The following USP32 variants were observed in gnomAD, a reference collection of about 807,000 sequenced individuals.
USP32 encodes ubiquitin specific peptidase 32.
USP32 carries 59 observed loss-of-function variants against 204.8 expected under a neutral mutation model. The ratio of observed to expected loss-of-function variants is 0.29; its 90% CI spans 0.23 to 0.36. USP32 has a LOEUF of 0.36. Ranked by LOEUF, USP32 falls within the 10% of genes least tolerant of loss-of-function variation. The probability of loss-of-function intolerance (pLI) is 1.00; values close to 1 mark genes in which losing one functional copy is unlikely to be tolerated. For missense variants in USP32, 1,160 were observed against 1,946.4 expected, an observed-to-expected ratio of 0.60 and a Z score of 7.60; for synonymous variants, 517 against 678.4, an observed-to-expected ratio of 0.76 and a Z score of 3.70.
intron 11 of USP32, among the ~76,000 whole-genome samples, chr17:60,237,107 ATCTACTCTATCTATCTATCT>A (rs2085746723): frequency 7.2e-6 from 1 of 138,136 alleles, no homozygotes; most frequent in South Asian, 2.4e-4. Context: ...AAAAAAAAAA[ATCTACTCTATCTATCTATCT>A]ATCTATCTAT....
chr17:60,191,464 A>T, intron 28 of USP32, among the ~76,000 whole-genome samples: 2 of 138,442 alleles, frequency 1.4e-5, no homozygotes, highest in Non-Finnish European at 1.6e-5. Flanking sequence ...GAGATGGGGT[A>T]GGGGGGAGGA....
At chr17:60,349,264 C>T (rs61625746) in intron 1 of USP32, among the ~76,000 whole-genome samples, 6,687 of 150,748 alleles carry the variant, frequency 0.044, 530 homozygotes, top group African/African-American at 0.15. Flanking sequence ...TGAAGAACTA[C>T]TTGGTAATAT....
intron 1 of USP32, among the ~76,000 whole-genome samples, chr17:60,346,704 C>A (rs1401523581): frequency 1.3e-5 from 2 of 152,026 alleles, no homozygotes; most frequent in Non-Finnish European, 2.9e-5. Flanking sequence ...ACAATAGAGG[C>A]ACAGAAATGG....
In USP32 at chr17:60,276,641, T is replaced by C. The variant is rs564173004; in HGVS notation, c.572-5160A>G. ...TCAATAAGTACTTCTGATTAATTGGTGTTTACATAATACAGTAAATTGAAA... is the reference window on the plus strand; with the variant it reads ...TCAATAAGTACTTCTGATTAATTGGCGTTTACATAATACAGTAAATTGAAA... On this transcript the variant is annotated intron_variant, in intron 5 of 33. Coordinates refer to ENST00000300896, the MANE Select transcript of USP32 (RefSeq NM_032582.4). 8.1e-4 allele frequency among the ~76,000 whole-genome samples: 124 copies of C among 152,304 alleles called. 1 individual carries two copies. The highest frequency in any genetic ancestry group is 3.0e-3 in the African/African-American group (123 of 41,574).
At chr17:60,318,441 A>C (rs1435976742) in intron 2 of USP32, among the ~76,000 whole-genome samples, 1 of 152,248 alleles carries the variant, frequency 6.6e-6, no homozygotes, top group East Asian at 1.9e-4. Flanking sequence ...TGTGGTTAAG[A>C]AGCAGCAGGG....
intron 7 of USP32, among the ~76,000 whole-genome samples, chr17:60,267,189 C>T (rs1387070986): frequency 5.3e-5 from 8 of 151,820 alleles, no homozygotes. Flanking sequence ...GGGCGAATCG[C>T]GAGGTCAGGA....
chr17:60,306,078 C>T lies in USP32; in HGVS notation c.187-4374G>A, dbSNP rs143037898. Among the ~76,000 whole-genome samples, 632 of 149,458 alleles carry T rather than the reference C, an allele frequency of 4.2e-3. 3 individuals carry two copies. The highest frequency in any genetic ancestry group is 6.1e-3 in the Non-Finnish European group (410 of 67,704). ...CTAATGTCTAAGTACCCTTTTTTCA[C>T]TCAAAAAGAAAAAAAAAGGAAAAAA... On this transcript the variant is annotated intron_variant, in intron 2 of 33. Coordinates refer to ENST00000300896, the MANE Select transcript of USP32 (RefSeq NM_032582.4).
rs112800336 is a variant in USP32, at chr17:60,289,143, G to A, written c.412-461C>T. The stretch of plus-strand genomic sequence containing the variant: ...CTGCCTCAGCCTCCTGAGTAGCTGG[G>A]ACTACAGGCACCCACCACCACGCCC... On this transcript the variant is annotated intron_variant, in intron 4 of 33. Transcript: ENST00000300896. Among the ~76,000 whole-genome samples, 431 of 152,200 alleles carry A rather than the reference G, an allele frequency of 2.8e-3. 4 individuals carry two copies. Among genetic ancestry groups the A allele is most frequent in the African/African-American group, 8.9e-3 (368 of 41,532 alleles).
chr17:60,309,779 C>T (rs1435732827), intron 2 of USP32, among the ~76,000 whole-genome samples: 1 of 151,950 alleles, frequency 6.6e-6, no homozygotes, highest in Non-Finnish European at 1.5e-5. Context: ...GGCACAGTGG[C>T]ACATACCTGT....
intron 29 of USP32, among the ~76,000 whole-genome samples, chr17:60,188,844 A>C (rs1274948896): frequency 6.6e-6 from 1 of 152,204 alleles, no homozygotes; most frequent in Non-Finnish European, 1.5e-5. Flanking sequence ...CAGAAACCCT[A>C]CATGTAGGGG....
intron 2 of USP32, among the ~76,000 whole-genome samples, chr17:60,336,511 C>T (rs2088520170): frequency 7.1e-6 from 1 of 140,250 alleles, no homozygotes; most frequent in African/African-American, 3.1e-5. Flanking sequence ...GTCAAGAGAT[C>T]GAGACCATCC....
intron 2 of USP32, among the ~76,000 whole-genome samples, chr17:60,343,850 G>T (rs1438867829): frequency 6.6e-6 from 1 of 152,082 alleles, no homozygotes; most frequent in Non-Finnish European, 1.5e-5. Flanking sequence ...TGGCCAACAT[G>T]GTGAAACCTC....
At chr17:60,378,784 A>C (rs769272355) in intron 1 of USP32, among the ~76,000 whole-genome samples, 32 of 152,120 alleles carry the variant, frequency 2.1e-4, no homozygotes, top group Non-Finnish European at 3.2e-4. Flanking sequence ...GGGGAAAAAA[A>C]GGGATAGAGA....
At chr17:60,369,821 T>C (rs186337726) in intron 1 of USP32, among the ~76,000 whole-genome samples, 1 of 152,096 alleles carries the variant, frequency 6.6e-6, no homozygotes, top group Admixed American at 6.6e-5. Flanking sequence ...CACTGCAGAC[T>C]TGAACTCCCT....
chr17:60,326,667 A>G (rs2145954399), intron 2 of USP32, among the ~76,000 whole-genome samples: 1 of 152,328 alleles, frequency 6.6e-6, no homozygotes, highest in Middle Eastern at 3.4e-3. Context: ...TGTGGATCTC[A>G]GTATGAGACA....
intron 32 of USP32, 40 bp from the exon 33 acceptor site, chr17:60,180,677 C>G: frequency 1.9e-6 from 3 of 1,592,718 alleles, no homozygotes. Flanking sequence ...TAGCAGTTAA[C>G]TGTACTATGG....
Position 60,226,154 on chromosome 17 carries a change from A to G in USP32, c.1317T>C (p.Pro439=), listed in dbSNP as rs2085382136. The change falls in exon 13 of 34, where the codon CCT becomes CCC. Residue 439 remains proline (P), a synonymous_variant. Coordinates refer to ENST00000300896, the MANE Select transcript of USP32 (RefSeq NM_032582.4). ...CAATTCTATCTTCGACCTGCTCCAT[A>G]GGATGGGCTGCAGTTCCAAATGAGT... is the stretch of plus-strand genomic sequence containing the variant. ...GKYSFGTAAH[P]MEQVEDRIGS... 5 of 1,606,084 alleles carry G rather than the reference A, an allele frequency of 3.1e-6. No individual in the cohort carries two copies. The highest frequency in any genetic ancestry group is 1.3e-5 in the African/African-American group (1 of 74,352).
intron 26 of USP32, among the ~76,000 whole-genome samples, chr17:60,199,056 C>T (rs1215155188): frequency 1.3e-5 from 2 of 149,992 alleles, no homozygotes; most frequent in East Asian, 3.9e-4. Flanking sequence ...GTTGAGGGTA[C>T]AGTGAGCTGT....
chr17:60,409,271 C>A (rs1567899802), intron 1 of USP32, among the ~76,000 whole-genome samples: 1 of 152,202 alleles, frequency 6.6e-6, no homozygotes, highest in African/African-American at 2.4e-5. Context: ...TCACTTGAAC[C>A]TAGGAGGCGG....
Sources: gnomAD v4.1 joint callset for allele counts (sites outside exome capture counted in the v4.1 genomes callset) on GRCh38, gnomAD v4.1.1 for gene constraint, MANE v1.5 for transcripts, NCBI Gene and HGNC (gene_info 2026-07-23, HGNC 2026-07-21) for gene names.